The following TLN2 variants were observed in gnomAD, a reference collection of about 807,000 sequenced individuals.
TLN2 encodes the protein talin 2.
TLN2 carries 118 observed loss-of-function variants against 294.7 expected under a neutral mutation model. The observed-to-expected ratio is 0.40, with a 90% confidence interval of 0.34 to 0.47. TLN2 has a LOEUF of 0.47. Among genes scored for constraint, TLN2 ranks in the 20% least tolerant of loss-of-function variants. The pLI is 0.84. For synonymous variants in TLN2, 1,431 were observed against 1,304.5 expected, an observed-to-expected ratio of 1.10 and a Z score of -2.09; for missense variants, 3,083 against 3,282.2, an observed-to-expected ratio of 0.94 and a Z score of 1.48.
chr15:62,483,898 C>A (rs1246450076), intron 1 of TLN2, among the ~76,000 whole-genome samples: 1 of 152,188 alleles, frequency 6.6e-6, no homozygotes, highest in Non-Finnish European at 1.5e-5. Context: ...CATTTGGCAG[C>A]GTTTCTTTGG....
Position 62,475,599 on chromosome 15 carries a change from C to CT in TLN2, c.-238+84916dup, listed in dbSNP as rs2037741423. On this transcript the variant is annotated intron_variant, in intron 1 of 58. Coordinates refer to ENST00000636159, the MANE Select transcript of TLN2 (RefSeq NM_015059.3). ...GATGTATGGAACAAGAGCTTTTCTT[C>CT]TTGTTCTTATTCTTTATATCTCATA... Among the ~76,000 whole-genome samples the CT allele has an allele frequency of 2.0e-5, 3 of 152,168 alleles. No individual in the cohort carries two copies. In the South Asian group the frequency reaches 6.2e-4, roughly 31 times the overall value.
rs1171284096 is a variant in TLN2, at chr15:62,708,658, G to T, written c.2329G>T (p.Val777Phe). The change falls in exon 21 of 59, where the codon GTC becomes TTC. Residue 777 changes from valine to phenylalanine, a missense_variant. Transcript: ENST00000636159. ...LKQVSAAASV[V>F]SQALHDLLQH... ...GCAGGTCAGCGCAGCGGCCAGCGTG[G>T]TCAGCCAGGCCCTCCATGATCTCCT... The T allele has an allele frequency of 6.2e-7, 1 of 1,614,220 alleles. No individual in the cohort carries two copies. The highest frequency in any genetic ancestry group is 8.5e-7 in the Non-Finnish European group (1 of 1,180,048).
chr15:62,555,409 T>C (rs1483567543), intron 1 of TLN2, among the ~76,000 whole-genome samples: 1 of 152,196 alleles, frequency 6.6e-6, no homozygotes, highest in Non-Finnish European at 1.5e-5. Context: ...GATTTAAACA[T>C]TGTAGAAAGC....
In TLN2 at chr15:62,438,113, C is replaced by T. The variant is rs528396940; in HGVS notation, c.-238+47428C>T. On this transcript the variant is annotated intron_variant, in intron 1 of 58. Transcript: ENST00000636159. Reference sequence around the variant, plus strand: ...CATTTAGAGAACCATTACAAGCCAGCCTTGGTCAGGTAGTCAAACTTACTT... The same window carrying T: ...CATTTAGAGAACCATTACAAGCCAGTCTTGGTCAGGTAGTCAAACTTACTT... 2.0e-5 allele frequency among the ~76,000 whole-genome samples: 3 copies of T among 152,272 alleles called. No homozygotes were observed. In the East Asian group the frequency reaches 5.8e-4, roughly 29 times the overall value.
intron 28 of TLN2, among the ~76,000 whole-genome samples, chr15:62,727,533 A>G (rs1465473334): frequency 2.0e-5 from 3 of 152,246 alleles, no homozygotes; most frequent in Admixed American, 1.3e-4. Context: ...TAAGATGTCA[A>G]TGGAATGTGT....
At chr15:62,454,073 G>A (rs756534131) in intron 1 of TLN2, among the ~76,000 whole-genome samples, 2 of 152,198 alleles carry the variant, frequency 1.3e-5, no homozygotes, top group Admixed American at 6.5e-5. Flanking sequence ...ACGGGCACAC[G>A]CTATGCTCCC....
chr15:62,520,052 A>G (rs1448274214), intron 1 of TLN2, among the ~76,000 whole-genome samples: 1 of 152,214 alleles, frequency 6.6e-6, no homozygotes, highest in Non-Finnish European at 1.5e-5. Context: ...CCCCTTATAA[A>G]ACCATCAGAT....
chr15:62,771,092 G>A lies in TLN2; in HGVS notation c.5325G>A (p.Leu1775=). 1 of 1,613,244 alleles carries A rather than the reference G, an allele frequency of 6.2e-7. No individual in the cohort carries two copies. Among genetic ancestry groups the A allele is most frequent in the Non-Finnish European group, 8.5e-7 (1 of 1,179,534 alleles). The change falls in exon 42 of 59, where the codon TTG becomes TTA. Residue 1775 remains leucine (L), a synonymous_variant. Coordinates refer to ENST00000636159, the MANE Select transcript of TLN2 (RefSeq NM_015059.3). ...CCAAGACTCTCGCAGAGTCTGCCTT[G>A]CAGATGTTGTATGCAGCCAAAGAAG... ...DQTKTLAESA[L]QMLYAAKEGG... is the part of the protein sequence containing the mutation.
At chr15:62,774,358 G>A (rs2063552396) in intron 42 of TLN2, among the ~76,000 whole-genome samples, 1 of 152,012 alleles carries the variant, frequency 6.6e-6, no homozygotes, top group Non-Finnish European at 1.5e-5. Context: ...GAACCCCTCC[G>A]GAATCTAAAA....
intron 9 of TLN2, among the ~76,000 whole-genome samples, chr15:62,671,228 A>G (rs2055375519): frequency 1.3e-5 from 2 of 152,026 alleles, no homozygotes; most frequent in Non-Finnish European, 2.9e-5. Context: ...CATTCTATGG[A>G]TTGTATTTTC....
intron 1 of TLN2, among the ~76,000 whole-genome samples, chr15:62,557,885 A>G (rs2042698003): frequency 6.6e-6 from 1 of 152,200 alleles, no homozygotes; most frequent in African/African-American, 2.4e-5. Context: ...GTGTGTGCCT[A>G]AAAGCCACAA....
At chr15:62,707,804 A>C (rs2059161931) in intron 20 of TLN2, among the ~76,000 whole-genome samples, 1 of 152,088 alleles carries the variant, frequency 6.6e-6, no homozygotes, top group African/African-American at 2.4e-5. Flanking sequence ...CAGAAGTAGT[A>C]AGTGGCAGAA....
intron 32 of TLN2, among the ~76,000 whole-genome samples, chr15:62,746,337 A>G (rs1029520172): frequency 6.6e-6 from 1 of 152,170 alleles, no homozygotes; most frequent in Non-Finnish European, 1.5e-5. Context: ...AAAAGCGCGC[A>G]TTGAGGACTA....
chr15:62,438,653 A>G (rs988721773), intron 1 of TLN2, among the ~76,000 whole-genome samples: 8 of 152,158 alleles, frequency 5.3e-5, no homozygotes, highest in African/African-American at 1.9e-4. Flanking sequence ...CAAGCCTGAG[A>G]ATAAGGATGA....
At chr15:62,824,752 A>AT (rs1390015936) in intron 54 of TLN2, among the ~76,000 whole-genome samples, 5 of 152,080 alleles carry the variant, frequency 3.3e-5, no homozygotes, top group Admixed American at 6.5e-5. Flanking sequence ...TATAGAAAAC[A>AT]TTTTTTCTGG....
chr15:62,592,218 G>A (rs1165051541), intron 2 of TLN2, among the ~76,000 whole-genome samples: 1 of 152,218 alleles, frequency 6.6e-6, no homozygotes, highest in African/African-American at 2.4e-5. Flanking sequence ...AATCCTAGCT[G>A]CTTCTGAGAG....
chr15:62,788,572 A>T (rs1816116166), intron 45 of TLN2, among the ~76,000 whole-genome samples: 1 of 152,228 alleles, frequency 6.6e-6, no homozygotes, highest in African/African-American at 2.4e-5. Context: ...CCCATTTCAC[A>T]GATAAGTAAA....
At chr15:62,666,128 C>T (rs1420864220) in intron 9 of TLN2, among the ~76,000 whole-genome samples, 7 of 152,150 alleles carry the variant, frequency 4.6e-5, no homozygotes, top group Admixed American at 1.3e-4. Context: ...TGGGCAGTGG[C>T]GTGTCCTTAT....
chr15:62,613,591 A>G (rs1269362727), intron 2 of TLN2, among the ~76,000 whole-genome samples: 1 of 152,200 alleles, frequency 6.6e-6, no homozygotes, highest in Non-Finnish European at 1.5e-5. Flanking sequence ...CAAGAGAAAT[A>G]TATAAGCTAC....
Sources: allele counts gnomAD v4.1 joint callset (sites outside exome capture counted in the v4.1 genomes callset), GRCh38; gene constraint gnomAD v4.1.1; transcripts MANE v1.5; gene names NCBI Gene and HGNC (gene_info 2026-07-23, HGNC 2026-07-21).